The following CDH18 variants were observed in gnomAD, a reference collection of about 807,000 sequenced individuals.
The protein encoded by CDH18 is cadherin 18.
In CDH18, 31 loss-of-function variants were observed where a neutral mutation model predicts 67.9. The ratio of observed to expected loss-of-function variants is 0.46; its 90% confidence interval spans 0.34 to 0.62. The LOEUF is 0.62. Ranked by LOEUF, CDH18 falls within the 20% of genes least tolerant of loss-of-function variation. The pLI is 0.01. For missense variants in CDH18, 890 were observed against 975.5 expected (o/e 0.91, Z 1.17); for synonymous variants, 362 against 347.2 (o/e 1.04, Z -0.48).
At position 19,693,874 on chromosome 5, in the gene CDH18, C is replaced by T. The variant is rs749550848; in HGVS notation, c.643+27473G>A. On this transcript the variant is annotated intron_variant, in intron 5 of 12. Transcript: ENST00000382275. ...TCAGGCCACTGCATTCCAGCCTGGGCGACAAAGTGAGACTCTGTCTGAAAA... is the reference window on the plus strand; with the variant it reads ...TCAGGCCACTGCATTCCAGCCTGGGTGACAAAGTGAGACTCTGTCTGAAAA... Among the ~76,000 whole-genome samples the T allele has an allele frequency of 8.0e-5, 11 of 137,086 alleles. No individual in the cohort carries two copies. In the South Asian group the frequency reaches 1.9e-3, roughly 23 times the overall value. The allele number at this position is 137,086 out of a possible 152,430, so 89.9% of individuals were successfully genotyped here. A position where few individuals can be genotyped will look rare whatever the true frequency, so the allele number is the denominator to read the frequency against.
At position 20,540,219 on chromosome 5, in the gene CDH18, G is replaced by C. The variant is rs187763193; in HGVS notation, c.-580+35243C>G. On this transcript the variant is annotated intron_variant, in intron 1 of 14. Coordinates refer to the CDH18 transcript ENST00000507958. ...GCAATACAGACATTTAAGCCTCATT[G>C]TACTTACCCTATAGTTTTGCCTAAT... Among the ~76,000 whole-genome samples the C allele has an allele frequency of 4.2e-4, 64 of 152,230 alleles. 2 individuals carry two copies. The East Asian group carries it at 7.2e-3, about 17-fold the overall frequency.
intron 5 of CDH18, among the ~76,000 whole-genome samples, chr5:19,647,205 T>C (rs1395934158): frequency 1.3e-5 from 2 of 151,786 alleles, no homozygotes; most frequent in Non-Finnish European, 2.9e-5. Flanking sequence ...CCTTCTGGTA[T>C]TAGAAAATAA....
At chr5:20,153,344 T>C (rs1751269037) in intron 2 of CDH18, among the ~76,000 whole-genome samples, 2 of 152,152 alleles carry the variant, frequency 1.3e-5, no homozygotes, top group South Asian at 4.1e-4. Flanking sequence ...AGTATCCATA[T>C]AATCAAGCCT....
chr5:20,006,398 T>G (rs1736907876), intron 2 of CDH18, among the ~76,000 whole-genome samples: 1 of 151,980 alleles, frequency 6.6e-6, no homozygotes, highest in South Asian at 2.1e-4. Flanking sequence ...TAGGAATTAC[T>G]TTAGGGAATG....
At chr5:20,501,626 T>C (rs1754331965) in intron 1 of CDH18, among the ~76,000 whole-genome samples, 1 of 122,014 alleles carries the variant, frequency 8.2e-6, no homozygotes, top group Non-Finnish European at 1.6e-5. Flanking sequence ...GGAGATGGAG[T>C]CTCGCTCTGT....
At chr5:19,992,623 C>T (rs546343114), upstream of CDH18, among the ~76,000 whole-genome samples, 2 of 152,106 alleles carry the variant, frequency 1.3e-5, no homozygotes, top group East Asian at 3.9e-4. Context: ...TATAAGATGA[C>T]TTATTAAAGC....
At chr5:20,006,550 T>C (rs1190961020) in intron 2 of CDH18, among the ~76,000 whole-genome samples, 2 of 151,952 alleles carry the variant, frequency 1.3e-5, no homozygotes, top group East Asian at 1.9e-4. Context: ...TAAGTGTTAG[T>C]GCTCAGACTG....
At chr5:19,844,091 C>T (rs992603359) in intron 2 of CDH18, among the ~76,000 whole-genome samples, 5 of 152,094 alleles carry the variant, frequency 3.3e-5, no homozygotes, top group African/African-American at 1.2e-4. Context: ...AGACTTTGGA[C>T]TTGGACATTT....
At chr5:19,539,562 T>A (rs1749920455) in intron 9 of CDH18, among the ~76,000 whole-genome samples, 1 of 152,194 alleles carries the variant, frequency 6.6e-6, no homozygotes, top group Non-Finnish European at 1.5e-5. Flanking sequence ...TTCTCTTTTC[T>A]GAAGAATTAG....
chr5:19,847,309 T>C (rs945524427), intron 2 of CDH18, among the ~76,000 whole-genome samples: 1 of 152,074 alleles, frequency 6.6e-6, no homozygotes, highest in Non-Finnish European at 1.5e-5. Flanking sequence ...TCCTTCAGTG[T>C]TTTATATTCT....
chr5:20,462,359 G>A (rs1036151675), intron 1 of CDH18, among the ~76,000 whole-genome samples: 2 of 152,116 alleles, frequency 1.3e-5, no homozygotes, highest in African/African-American at 2.4e-5. Flanking sequence ...CCTGGGAAGA[G>A]TATATAGAGG....
chr5:19,858,339 C>T (rs892270028), intron 2 of CDH18, among the ~76,000 whole-genome samples: 1 of 152,082 alleles, frequency 6.6e-6, no homozygotes, highest in Non-Finnish European at 1.5e-5. Flanking sequence ...TCTTATCAGA[C>T]CTAAAAAGTT....
At chr5:20,003,821 C>T (rs554931817) in intron 2 of CDH18, among the ~76,000 whole-genome samples, 2 of 152,138 alleles carry the variant, frequency 1.3e-5, no homozygotes, top group African/African-American at 4.8e-5. Context: ...TGGCGTGAGC[C>T]CGGAGGTGGA....
chr5:19,600,834 A>C (rs1406179575), intron 6 of CDH18, among the ~76,000 whole-genome samples: 1 of 152,150 alleles, frequency 6.6e-6, no homozygotes, highest in African/African-American at 2.4e-5. Context: ...CTTATGATTT[A>C]AATGCCTAAA....
chr5:19,937,440 C>T (rs1794393392), intron 2 of CDH18, among the ~76,000 whole-genome samples: 1 of 151,216 alleles, frequency 6.6e-6, no homozygotes, highest in South Asian at 2.1e-4. Context: ...AACTGAATAC[C>T]AATATTGAAA....
intron 3 of CDH18, among the ~76,000 whole-genome samples, chr5:19,808,729 T>C (rs191230542): frequency 1.6e-3 from 230 of 147,360 alleles, no homozygotes; most frequent in African/African-American, 5.6e-3. Context: ...TACTTGGGAG[T>C]CTGAGGCAGA....
chr5:20,528,993 T>G (rs890344728), intron 1 of CDH18, among the ~76,000 whole-genome samples: 47 of 151,014 alleles, frequency 3.1e-4, no homozygotes, highest in African/African-American at 1.0e-3. Context: ...TAGACAGACC[T>G]CTAGTTAAGC....
At chr5:20,241,934 ACT>A (rs1240778332) in intron 2 of CDH18, among the ~76,000 whole-genome samples, 3 of 146,690 alleles carry the variant, frequency 2.0e-5, no homozygotes, top group South Asian at 2.1e-4. Context: ...CACTGTGCAA[ACT>A]CTCAATATTT....
At chr5:20,138,484 G>T (rs987668005) in intron 2 of CDH18, among the ~76,000 whole-genome samples, 4 of 152,062 alleles carry the variant, frequency 2.6e-5, no homozygotes, top group African/African-American at 7.2e-5. Context: ...GCAGGAGAAA[G>T]AAATAAATGG....
Sources: allele counts gnomAD v4.1 joint callset (sites outside exome capture counted in the v4.1 genomes callset), GRCh38; gene constraint gnomAD v4.1.1; transcripts MANE v1.5; gene names NCBI Gene and HGNC (gene_info 2026-07-23, HGNC 2026-07-21).